The following SWT1 variants were observed in gnomAD, a reference collection of about 807,000 sequenced individuals.
The protein encoded by SWT1 is transcriptional protein SWT1.
A neutral mutation model predicts 107.3 loss-of-function variants in SWT1; 33 were observed. The ratio of observed to expected loss-of-function variants is 0.31; its 90% CI spans 0.23 to 0.41. The LOEUF (loss-of-function observed/expected upper bound fraction) is 0.41. Among genes scored for constraint, SWT1 ranks in the 10% least tolerant of loss-of-function variants. The pLI, the probability that SWT1 is intolerant of heterozygous loss-of-function variation, is 1.00. For missense variants in SWT1, 898 were observed against 1,028.9 expected, an observed-to-expected ratio of 0.87 and a Z score of 1.74; for synonymous variants, 345 against 348.3, an observed-to-expected ratio of 0.99 and a Z score of 0.11.
At position 185,221,983 on chromosome 1, in the gene SWT1, T is replaced by C; in HGVS notation, c.2256T>C (p.His752=). The C allele has an allele frequency of 6.2e-7, 1 of 1,612,110 alleles. No individual in the cohort carries two copies. The highest frequency in any genetic ancestry group is 8.5e-7 in the Non-Finnish European group (1 of 1,179,252). The part of the protein sequence containing the change: ...SSSHLPQPSR[H]QEIWSILESV... ...CTCATCTTCCCCAACCCAGCAGGCA[T>C]CAAGAAATCTGGTCTATCCTAGAGA... Residue 752 remains histidine, a synonymous_variant, in exon 15 of 19, where the codon CAT becomes CAC. Coordinates refer to ENST00000367500, the MANE Select transcript of SWT1 (RefSeq NM_017673.7).
intron 15 of SWT1, among the ~76,000 whole-genome samples, chr1:185,223,988 C>A (rs1307528444): frequency 6.6e-6 from 1 of 152,184 alleles, no homozygotes; most frequent in Non-Finnish European, 1.5e-5. Flanking sequence ...AGAATGAGAT[C>A]ATGTCCTTTG....
chr1:185,177,086 A>G (rs1221627418), intron 5 of SWT1: 2 of 977,428 alleles, frequency 2.0e-6, no homozygotes, highest in African/African-American at 1.8e-5. Context: ...GGGAATTAGT[A>G]TTTTTAGTTT....
intron 15 of SWT1, chr1:185,226,893 G>C: frequency 7.2e-7 from 1 of 1,388,080 alleles, no homozygotes. Context: ...GGACATTTTG[G>C]GACAGTTCCA....
Position 185,174,984 on chromosome 1 carries a change from G to C in SWT1, c.837G>C (p.Val279=), listed in dbSNP as rs767041877. Residue 279 remains valine, a synonymous_variant, in exon 5 of 19, where the codon GTG becomes GTC. Transcript: ENST00000367500. ...AAAGCTCCCAGGTTTCATTAAATGT[G>C]ACTAGGCAGAAAACTGAACATTTAC... ...YLESSQVSLN[V]TRQKTEHLLS... is the part of the protein sequence containing the mutation. 20 of 1,613,778 alleles carry C rather than the reference G, an allele frequency of 1.2e-5. No homozygotes were observed. The highest frequency in any genetic ancestry group is 1.6e-5 in the Non-Finnish European group (19 of 1,179,986).
At chr1:185,271,295 C>T (rs78745917) in intron 16 of SWT1, 28 bp from the exon 17 acceptor site, 19,557 of 1,189,726 alleles carry the variant, frequency 0.016, 227 homozygotes, top group Non-Finnish European at 0.021. Flanking sequence ...CATTTATTCC[C>T]CCCCTTTGTT....
chr1:185,256,623 C>CA (rs1558080925), intron 16 of SWT1, among the ~76,000 whole-genome samples: 1 of 145,344 alleles, frequency 6.9e-6, no homozygotes, highest in Non-Finnish European at 1.5e-5. Flanking sequence ...CCTTGGTTTT[C>CA]AGCTCCATCA....
At position 185,184,495 on chromosome 1, in the gene SWT1, T is replaced by C. The variant is rs191141970; in HGVS notation, c.1240+151T>C. On this transcript the variant is annotated intron_variant, in intron 8 of 18. Transcript: ENST00000367500. ...CAGTGTTATAAGTTTATAAAAGCCT[T>C]TACAGGTTAAACTAGCAATCTGAAC... The C allele has an allele frequency of 1.9e-5, 12 of 619,790 alleles. No homozygotes were observed. The African/African-American group carries it at 2.1e-4, about 11-fold the overall frequency. The allele number at this position is 619,790 out of a possible 1,614,324, so 38.4% of individuals were successfully genotyped here.
chr1:185,237,872 A>T (rs1661004629), intron 16 of SWT1, among the ~76,000 whole-genome samples: 1 of 152,166 alleles, frequency 6.6e-6, no homozygotes, highest in Non-Finnish European at 1.5e-5. Flanking sequence ...TCTAAAAGAA[A>T]TAATTACTTG....
chr1:185,273,155 AG>A (rs1483533990), intron 17 of SWT1, among the ~76,000 whole-genome samples: 1 of 152,212 alleles, frequency 6.6e-6, no homozygotes. Flanking sequence ...CTATAATCTC[AG>A]CACTTTGGAA....
intron 18 of SWT1, chr1:185,280,985 G>T (rs1664581805): frequency 2.3e-6 from 1 of 441,818 alleles, no homozygotes; most frequent in Non-Finnish European, 4.6e-6. Context: ...GAAAATACTT[G>T]ATATGTCCAA....
At chr1:185,161,216 C>T (rs1192543411) in intron 2 of SWT1, among the ~76,000 whole-genome samples, 2 of 152,100 alleles carry the variant, frequency 1.3e-5, no homozygotes, top group African/African-American at 4.8e-5. Context: ...CAATTCTAAG[C>T]CCCTTAAATC....
At chr1:185,171,735 A>G (rs548219502) in intron 4 of SWT1, 609 of 405,742 alleles carry the variant, frequency 1.5e-3, no homozygotes, top group Admixed American at 4.1e-3. Flanking sequence ...CAGAAAGGGC[A>G]TTTTTTTTTT....
intron 9 of SWT1, among the ~76,000 whole-genome samples, chr1:185,186,843 C>T (rs1194737911): frequency 6.6e-6 from 1 of 151,770 alleles, no homozygotes; most frequent in Non-Finnish European, 1.5e-5. Context: ...CAACCTCCAC[C>T]TCCCGGGTTC....
intron 16 of SWT1, among the ~76,000 whole-genome samples, chr1:185,248,130 G>T (rs1661738212): frequency 6.6e-6 from 1 of 152,202 alleles, no homozygotes; most frequent in Non-Finnish European, 1.5e-5. Context: ...ACAATTAAGA[G>T]AAGTGGATAT....
chr1:185,194,055 C>T (rs961030334), intron 10 of SWT1, among the ~76,000 whole-genome samples: 1 of 152,180 alleles, frequency 6.6e-6, no homozygotes. Context: ...TTAGTTCTGA[C>T]ATCATTCCTG....
intron 4 of SWT1, among the ~76,000 whole-genome samples, chr1:185,171,926 C>T (rs1655106229): frequency 6.6e-6 from 1 of 152,162 alleles, no homozygotes; most frequent in South Asian, 2.1e-4. Context: ...CAAAGACATA[C>T]CTACATTCAT....
intron 14 of SWT1, among the ~76,000 whole-genome samples, chr1:185,219,529 C>A (rs1336905063): frequency 6.6e-6 from 1 of 152,016 alleles, no homozygotes; most frequent in Non-Finnish European, 1.5e-5. Context: ...TTGAAATAAT[C>A]ATTTTATCAC....
chr1:185,170,507 G>A lies in SWT1; in HGVS notation c.224+2109G>A, dbSNP rs143118960. The stretch of plus-strand genomic sequence containing the variant: ...TGGGAGGTTTCCCAGTGACTTCTTC[G>A]TGCCCCCATTCAGGAGAGCCTCCAG... On this transcript the variant is annotated intron_variant, in intron 4 of 18. Coordinates refer to ENST00000367500, the MANE Select transcript of SWT1 (RefSeq NM_017673.7). 2.8e-3 allele frequency among the ~76,000 whole-genome samples: 420 copies of A among 152,098 alleles called. 2 individuals are homozygous for A. Among genetic ancestry groups the A allele is most frequent in the Middle Eastern group, 0.014 (4 of 294 alleles).
In SWT1 at chr1:185,166,171, T is replaced by TA. The variant is rs563576698; in HGVS notation, c.85-401_85-400insA. ...ATTCCTCTCTCTCCACTGTCTAGAA[T>TA]GTCTTTGGTACATGGTAGGTACTTC... On this transcript the variant is annotated intron_variant, in intron 2 of 18. Transcript: ENST00000367500. Among the ~76,000 whole-genome samples the TA allele has an allele frequency of 1.9e-3, 291 of 152,368 alleles. 2 individuals carry two copies. The highest frequency in any genetic ancestry group is 6.3e-3 in the African/African-American group (260 of 41,588).
Sources: gnomAD v4.1 joint callset for allele counts (sites outside exome capture counted in the v4.1 genomes callset) on GRCh38, gnomAD v4.1.1 for gene constraint, MANE v1.5 for transcripts, NCBI Gene and HGNC (gene_info 2026-07-23, HGNC 2026-07-21) for gene names.